TMEM117: variants seen among roughly 807,000 people sequenced by gnomAD.
TMEM117 encodes the protein transmembrane protein 117.
TMEM117 carries 27 observed loss-of-function variants against 52.4 expected under a neutral mutation model. The ratio of observed to expected loss-of-function variants is 0.51; its 90% CI spans 0.38 to 0.71. The LOEUF is 0.71. Ranked by LOEUF, TMEM117 falls within the 30% of genes least tolerant of loss-of-function variation. TMEM117 has a pLI of 0.00. For synonymous variants in TMEM117, 215 were observed against 206.3 expected, an observed-to-expected ratio of 1.04 and a Z score of -0.36; for missense variants, 556 against 630.5, an observed-to-expected ratio of 0.88 and a Z score of 1.26.
At chr12:44,127,259 A>G (rs921373481) in intron 3 of TMEM117, among the ~76,000 whole-genome samples, 1 of 152,220 alleles carries the variant, frequency 6.6e-6, no homozygotes, top group Non-Finnish European at 1.5e-5. Context: ...AATTATTAAT[A>G]TGATTTCTAT....
chr12:43,862,390 C>T (rs1465850380), intron 2 of TMEM117, among the ~76,000 whole-genome samples: 1 of 152,116 alleles, frequency 6.6e-6, no homozygotes, highest in Non-Finnish European at 1.5e-5. Flanking sequence ...ATCTTCTGAC[C>T]TCATGATCCA....
rs552279017 is a variant in TMEM117, at chr12:44,164,514, T to TA, written c.510+20892dup. Among the ~76,000 whole-genome samples the TA allele has an allele frequency of 4.0e-4, 61 of 152,324 alleles. No homozygotes were observed. The South Asian group carries it at 0.012, about 31-fold the overall frequency. The stretch of plus-strand genomic sequence containing the variant: ...TAGTTTAATGGCCTCCAGCTCCATT[T>TA]AAGTTGTTACAAAGGCCATTACAGA... On this transcript the variant is annotated intron_variant, in intron 4 of 7. Coordinates refer to ENST00000266534, the MANE Select transcript of TMEM117 (RefSeq NM_032256.3).
At chr12:43,943,632 A>G (rs1010102199) in intron 2 of TMEM117, among the ~76,000 whole-genome samples, 7 of 152,222 alleles carry the variant, frequency 4.6e-5, no homozygotes, top group Middle Eastern at 3.2e-3. Context: ...GTCACCTCTC[A>G]TATGCACTTG....
chr12:43,807,341 A>G, the TMEM117 span, among the ~76,000 whole-genome samples: 1 of 152,196 alleles, frequency 6.6e-6, no homozygotes, highest in Non-Finnish European at 1.5e-5. Context: ...GTTTTTCTTT[A>G]CAAGAATCAC....
In TMEM117 at chr12:44,094,615, C is replaced by G. The variant is rs1189953096; in HGVS notation, c.411-48910C>G. On this transcript the variant is annotated intron_variant, in intron 3 of 7. Transcript: ENST00000266534. ...ATAAATCAATCGACACAAATATCCC[C>G]TTAAACCTTGTCTTTCATGTCCAGT... is the stretch of plus-strand genomic sequence containing the variant. 3.3e-5 allele frequency among the ~76,000 whole-genome samples: 5 copies of G among 152,180 alleles called. No homozygotes were observed. The East Asian group carries it at 5.8e-4, about 18-fold the overall frequency.
intron 5 of TMEM117, among the ~76,000 whole-genome samples, chr12:44,287,264 G>T (rs1223776526): frequency 6.6e-6 from 1 of 152,170 alleles, no homozygotes; most frequent in African/African-American, 2.4e-5. Flanking sequence ...AATTATGTAT[G>T]AGTTCTTTCC....
chr12:44,068,763 C>G (rs1225102542), intron 3 of TMEM117, among the ~76,000 whole-genome samples: 1 of 152,132 alleles, frequency 6.6e-6, no homozygotes, highest in East Asian at 1.9e-4. Flanking sequence ...TACAGAGACA[C>G]AAAGTGAGCC....
Position 44,248,141 on chromosome 12 carries a change from G to A in TMEM117, c.608+36754G>A, listed in dbSNP as rs536943660. Among the ~76,000 whole-genome samples the A allele has an allele frequency of 3.3e-5, 5 of 152,240 alleles. No individual in the cohort carries two copies. The South Asian group carries it at 1.0e-3, about 32-fold the overall frequency. On this transcript the variant is annotated intron_variant, in intron 5 of 7. Coordinates refer to ENST00000266534, the MANE Select transcript of TMEM117 (RefSeq NM_032256.3). ...GGATGGGTGGACTCCTCTCAATCGT[G>A]TGGTTCAGGGAACAAACCCTGAGCA...
At chr12:44,285,143 T>A (rs1950623218) in intron 5 of TMEM117, among the ~76,000 whole-genome samples, 1 of 152,190 alleles carries the variant, frequency 6.6e-6, no homozygotes, top group Non-Finnish European at 1.5e-5. Context: ...AGTGACCAAA[T>A]GCTCCAACCC....
At position 44,389,057 on chromosome 12, in the gene TMEM117, G is replaced by C; in HGVS notation, c.*385G>C. ...GTTACCTAACCTATTTCACATGGGC[G>C]TTTTGTATACAACTATTTTGATCTA... is the stretch of plus-strand genomic sequence containing the variant. On this transcript the variant is annotated 3_prime_UTR_variant, in exon 8 of 8. Transcript: ENST00000266534. 2.7e-5 allele frequency: 4 copies of C among 145,656 alleles called. No homozygotes were observed. Among genetic ancestry groups the C allele is most frequent in the Admixed American group, 2.1e-4 (3 of 14,600 alleles). 9.0% of individuals were successfully genotyped at this position (145,656 alleles called of 1,614,324 possible).
intron 4 of TMEM117, among the ~76,000 whole-genome samples, chr12:44,210,007 C>T (rs1398673451): frequency 6.6e-6 from 1 of 152,068 alleles, no homozygotes; most frequent in Non-Finnish European, 1.5e-5. Flanking sequence ...AAATTTCACC[C>T]ATTTCAAGGC....
chr12:44,086,980 A>T (rs1043995219), intron 3 of TMEM117, among the ~76,000 whole-genome samples: 8 of 145,272 alleles, frequency 5.5e-5, no homozygotes, highest in South Asian at 4.2e-4. Context: ...AAATTATATA[A>T]TATATAATTA....
At chr12:44,184,761 T>C (rs1371194532) in intron 4 of TMEM117, among the ~76,000 whole-genome samples, 1 of 152,222 alleles carries the variant, frequency 6.6e-6, no homozygotes, top group Non-Finnish European at 1.5e-5. Context: ...TCTGGTTTTC[T>C]GTTCCTGGTT....
At chr12:43,955,535 A>G (rs1945292763) in intron 3 of TMEM117, among the ~76,000 whole-genome samples, 1 of 152,356 alleles carries the variant, frequency 6.6e-6, no homozygotes, top group African/African-American at 2.4e-5. Flanking sequence ...ATGAACTCGC[A>G]TTCACAATTG....
chr12:44,351,240 A>G (rs1286044552), intron 6 of TMEM117, among the ~76,000 whole-genome samples: 3 of 151,760 alleles, frequency 2.0e-5, no homozygotes, highest in Non-Finnish European at 2.9e-5. Flanking sequence ...TGAGCTCTTT[A>G]TATATTTTGG....
intron 6 of TMEM117, among the ~76,000 whole-genome samples, chr12:44,327,814 G>A (rs774459626): frequency 3.3e-5 from 5 of 152,038 alleles, no homozygotes; most frequent in Non-Finnish European, 5.9e-5. Context: ...GAAAAGTTCC[G>A]AGTCAGTAAG....
chr12:43,906,031 G>A (rs539584153), intron 2 of TMEM117, among the ~76,000 whole-genome samples: 13 of 152,168 alleles, frequency 8.5e-5, no homozygotes, highest in East Asian at 3.9e-4. Flanking sequence ...GTATTTTGCT[G>A]TCAATAATTT....
At chr12:44,198,898 A>G (rs1430768223) in intron 4 of TMEM117, among the ~76,000 whole-genome samples, 2 of 152,194 alleles carry the variant, frequency 1.3e-5, no homozygotes, top group Non-Finnish European at 2.9e-5. Flanking sequence ...ACATAAAAAA[A>G]ATGGAGTCAT....
chr12:43,800,618 A>C, the TMEM117 span: 1 of 1,036,546 alleles, frequency 9.6e-7, no homozygotes, highest in Non-Finnish European at 1.4e-6. Flanking sequence ...AATATCCTGA[A>C]TCACATTAAA....
Sources: allele counts gnomAD v4.1 joint callset (sites outside exome capture counted in the v4.1 genomes callset), GRCh38; gene constraint gnomAD v4.1.1; transcripts MANE v1.5; gene names NCBI Gene and HGNC (gene_info 2026-07-23, HGNC 2026-07-21).